NEGR1: variants seen among roughly 807,000 people sequenced by gnomAD.
NEGR1 encodes the protein IgLON family member 4.
In NEGR1, 10 loss-of-function variants were observed where a neutral mutation model predicts 40.9. The ratio of observed to expected loss-of-function variants is 0.24; its 90% CI spans 0.15 to 0.42. The LOEUF (loss-of-function observed/expected upper bound fraction) is 0.42. Ranked by LOEUF, NEGR1 falls within the 10% of genes least tolerant of loss-of-function variation. The pLI is 1.00. For missense variants in NEGR1, 352 were observed against 438.9 expected (o/e 0.80, Z 1.77); for synonymous variants, 185 against 166.8 (o/e 1.11, Z -0.84).
Position 71,795,160 on chromosome 1 carries a change from A to C in NEGR1, c.410-18863T>G, listed in dbSNP as rs1402356690. Among the ~76,000 whole-genome samples the C allele has an allele frequency of 2.0e-5, 3 of 152,062 alleles. No individual in the cohort carries two copies. In the East Asian group the frequency reaches 5.8e-4, roughly 29 times the overall value. On this transcript the variant is annotated intron_variant, in intron 2 of 6. Transcript: ENST00000357731. ...ATCTGCAAATAATTTGAAAACAAAT[A>C]AAACTGAAGATACACATATATCACT...
intron 1 of NEGR1, among the ~76,000 whole-genome samples, chr1:72,149,916 A>G (rs2100353303): frequency 1.3e-5 from 2 of 151,078 alleles, no homozygotes; most frequent in Middle Eastern, 6.8e-3. Context: ...GAAAGAAAGA[A>G]AAAAGAAAGA....
At position 71,872,380 on chromosome 1, in the gene NEGR1, G is replaced by A. The variant is rs1262072538; in HGVS notation, c.409+62699C>T. On this transcript the variant is annotated intron_variant, in intron 2 of 6. Coordinates refer to ENST00000357731, the MANE Select transcript of NEGR1 (RefSeq NM_173808.3). ...AAAGGAGTAGTATTGTGTTGTAGAC[G>A]TTAACTCTGTTCACCGCGTATTTCT... Among the ~76,000 whole-genome samples the A allele has an allele frequency of 2.0e-5, 3 of 152,124 alleles. No homozygotes were observed. The East Asian group carries it at 5.8e-4, about 29-fold the overall frequency.
chr1:72,127,982 C>G (rs1650097160), intron 1 of NEGR1, among the ~76,000 whole-genome samples: 1 of 152,130 alleles, frequency 6.6e-6, no homozygotes, highest in Non-Finnish European at 1.5e-5. Context: ...TATGAGAATA[C>G]ACAGTCTATC....
At chr1:71,574,425 C>G (rs1478813248) in intron 6 of NEGR1, among the ~76,000 whole-genome samples, 1 of 152,146 alleles carries the variant, frequency 6.6e-6, no homozygotes, top group Non-Finnish European at 1.5e-5. Flanking sequence ...CAGATTTCTA[C>G]AGTCTTTTTT....
intron 1 of NEGR1, among the ~76,000 whole-genome samples, chr1:72,125,126 T>G (rs1377710812): frequency 6.6e-6 from 1 of 152,020 alleles, no homozygotes; most frequent in Non-Finnish European, 1.5e-5. Context: ...TATTAAAAAT[T>G]TTATGAAAAT....
chr1:71,436,615 T>C (rs1646511425), intron 6 of NEGR1, among the ~76,000 whole-genome samples: 1 of 152,174 alleles, frequency 6.6e-6, no homozygotes, highest in Non-Finnish European at 1.5e-5. Flanking sequence ...TGTATTTCTG[T>C]AAGTTACATC....
chr1:71,883,785 C>T (rs527749428), intron 2 of NEGR1, among the ~76,000 whole-genome samples: 15 of 139,240 alleles, frequency 1.1e-4, no homozygotes, highest in African/African-American at 3.5e-4. Context: ...TCCAAGTGTT[C>T]TCATTGTTCA....
At chr1:72,107,699 T>C (rs1046617135) in intron 1 of NEGR1, among the ~76,000 whole-genome samples, 2 of 151,382 alleles carry the variant, frequency 1.3e-5, no homozygotes, top group Non-Finnish European at 3.0e-5. Flanking sequence ...AAAATGACTA[T>C]GTAGAATGAC....
chr1:71,475,469 T>A lies in NEGR1; in HGVS notation c.941-67899A>T, dbSNP rs1177270742. The stretch of plus-strand genomic sequence containing the variant: ...TTTTGTGATAATAAAACATACTTGA[T>A]ATATTTGTACGCTAACAATATGTAA... On this transcript the variant is annotated intron_variant, in intron 6 of 6. Coordinates refer to ENST00000357731, the MANE Select transcript of NEGR1 (RefSeq NM_173808.3). Among the ~76,000 whole-genome samples the A allele has an allele frequency of 2.0e-5, 3 of 152,220 alleles. No individual in the cohort carries two copies. The East Asian group carries it at 5.8e-4, about 29-fold the overall frequency.
At chr1:72,269,173 T>C (rs1031242774) in intron 1 of NEGR1, among the ~76,000 whole-genome samples, 1 of 151,854 alleles carries the variant, frequency 6.6e-6, no homozygotes, top group Admixed American at 6.6e-5. Context: ...TATTCATTGA[T>C]GGCAATTAAA....
chr1:72,152,262 C>T (rs935079533), intron 1 of NEGR1, among the ~76,000 whole-genome samples: 1 of 151,614 alleles, frequency 6.6e-6, no homozygotes, highest in Non-Finnish European at 1.5e-5. Flanking sequence ...AACAATATTT[C>T]GTTAAAGAAG....
intron 1 of NEGR1, among the ~76,000 whole-genome samples, chr1:72,145,463 C>A (rs910704611): frequency 1.3e-5 from 2 of 152,062 alleles, no homozygotes; most frequent in African/African-American, 4.8e-5. Context: ...TGGTGTGAAA[C>A]AGAATTTTGT....
Position 71,981,256 on chromosome 1 carries a change from CAG to C in NEGR1, c.177-45947_177-45946del, listed in dbSNP as rs1468704326. ...GAGAGTTGGTAGAAAGAAAATATTA[CAG>C]AGAGTTTGTTGCCTAAGGAAAATTT... On this transcript the variant is annotated intron_variant, in intron 1 of 6. Coordinates refer to ENST00000357731, the MANE Select transcript of NEGR1 (RefSeq NM_173808.3). Among the ~76,000 whole-genome samples, 21 of 152,160 alleles carry C rather than the reference CAG, an allele frequency of 1.4e-4. No homozygotes were observed. In the East Asian group the frequency reaches 4.1e-3, roughly 29 times the overall value.
intron 1 of NEGR1, among the ~76,000 whole-genome samples, chr1:72,128,113 A>C (rs370789894): frequency 6.6e-6 from 1 of 152,166 alleles, no homozygotes; most frequent in African/African-American, 2.4e-5. Flanking sequence ...GATAAAAATC[A>C]TATTGCCTTT....
chr1:71,642,016 T>C (rs896409338), intron 4 of NEGR1, among the ~76,000 whole-genome samples: 1 of 152,000 alleles, frequency 6.6e-6, no homozygotes. Context: ...ATTTACCTGA[T>C]AGCTCTGTCC....
intron 2 of NEGR1, among the ~76,000 whole-genome samples, chr1:71,871,987 A>C (rs1279936473): frequency 6.6e-6 from 1 of 152,220 alleles, no homozygotes; most frequent in African/African-American, 2.4e-5. Flanking sequence ...TACTTTCAGC[A>C]GACCAACCTT....
intron 3 of NEGR1, among the ~76,000 whole-genome samples, chr1:71,770,216 C>T (rs1656268541): frequency 6.6e-6 from 1 of 152,176 alleles, no homozygotes; most frequent in Non-Finnish European, 1.5e-5. Flanking sequence ...CTACTTGTAT[C>T]TCTAGCCATA....
intron 1 of NEGR1, among the ~76,000 whole-genome samples, chr1:72,234,490 G>A (rs190458578): frequency 7.9e-4 from 120 of 152,106 alleles, no homozygotes; most frequent in Non-Finnish European, 1.4e-3. Flanking sequence ...AAAGTGAACC[G>A]CCAACTTACA....
At chr1:72,001,779 G>A (rs901249638) in intron 1 of NEGR1, among the ~76,000 whole-genome samples, 2 of 151,692 alleles carry the variant, frequency 1.3e-5, no homozygotes, top group African/African-American at 2.4e-5. Flanking sequence ...ATGGAAAAGT[G>A]ATTGCCAATA....
Sources: allele counts gnomAD v4.1 joint callset (sites outside exome capture counted in the v4.1 genomes callset), GRCh38; gene constraint gnomAD v4.1.1; transcripts MANE v1.5; gene names NCBI Gene and HGNC (gene_info 2026-07-23, HGNC 2026-07-21).